ZNF670: variants seen among roughly 807,000 people sequenced by gnomAD.
ZNF670 encodes the protein zinc finger protein 670.
Under a neutral mutation model 10.9 loss-of-function variants are expected in ZNF670, and 7 were observed. The observed-to-expected ratio is 0.64, with a 90% confidence interval of 0.36 to 1.20. The LOEUF (loss-of-function observed/expected upper bound fraction) is 1.20. Among genes scored for constraint, ZNF670 ranks in the 50% most tolerant of loss-of-function variants. ZNF670 has a pLI of 0.02. For missense variants in ZNF670, 446 were observed against 458.6 expected, an observed-to-expected ratio of 0.97 and a Z score of 0.25; for synonymous variants, 136 against 152.7, an observed-to-expected ratio of 0.89 and a Z score of 0.81.
chr1:247,059,679 A>C (rs1670813435), intron 1 of ZNF670, among the ~76,000 whole-genome samples: 1 of 152,158 alleles, frequency 6.6e-6, no homozygotes, highest in South Asian at 2.1e-4. Context: ...AGATGAAGCC[A>C]CTGAAATTGA....
At chr1:247,040,680 T>A (rs1670281779) in intron 1 of ZNF670, among the ~76,000 whole-genome samples, 1 of 152,078 alleles carries the variant, frequency 6.6e-6, no homozygotes, top group South Asian at 2.1e-4. Flanking sequence ...AATTTATTTT[T>A]ATTTTATTTT....
At chr1:247,049,371 GT>G (rs200804482) in intron 1 of ZNF670, among the ~76,000 whole-genome samples, 1,654 of 151,994 alleles carry the variant, frequency 0.011, 32 homozygotes, top group African/African-American at 0.037. Context: ...TGGCCCTCCT[GT>G]TTCATTTCTA....
At chr1:247,061,863 G>C (rs1370806206) in intron 1 of ZNF670, among the ~76,000 whole-genome samples, 1 of 152,142 alleles carries the variant, frequency 6.6e-6, no homozygotes, top group East Asian at 1.9e-4. Flanking sequence ...CCAATATTAG[G>C]AGGTGGCATT....
chr1:247,041,189 T>A (rs948716948), intron 1 of ZNF670, among the ~76,000 whole-genome samples: 1 of 152,130 alleles, frequency 6.6e-6, no homozygotes, highest in African/African-American at 2.4e-5. Context: ...ACGTTCAGAC[T>A]TCGAAGGAAA....
At chr1:247,052,159 G>T (rs146742374) in intron 1 of ZNF670, among the ~76,000 whole-genome samples, 1 of 152,218 alleles carries the variant, frequency 6.6e-6, no homozygotes, top group African/African-American at 2.4e-5. Context: ...GGGTGTTAAA[G>T]AACTTTATTT....
Position 247,075,912 on chromosome 1 carries a change from G to T in ZNF670, c.3+2682C>A, listed in dbSNP as rs558547253. Among the ~76,000 whole-genome samples, 33 of 152,086 alleles carry T rather than the reference G, an allele frequency of 2.2e-4. 2 individuals carry two copies. The highest frequency in any genetic ancestry group is 6.8e-3 in the Middle Eastern group (2 of 294). ...CTACACTCACTCTTGGGAAGAAAAA[G>T]GTTAACAAGAATTTTTAACAAATGG... On this transcript the variant is annotated intron_variant, in intron 1 of 3. Coordinates refer to ENST00000366503, the MANE Select transcript of ZNF670 (RefSeq NM_033213.5).
At position 247,036,456 on chromosome 1, in the gene ZNF670, C is replaced by G. The variant is rs12751386; in HGVS notation, c.*993G>C. 0.15 allele frequency among the ~76,000 whole-genome samples: 22,804 copies of G among 152,056 alleles called. 1,911 individuals are homozygous for G. Among genetic ancestry groups the G allele is most frequent in the South Asian group, 0.25 (1,186 of 4,802 alleles). ...TAGCTTGAGGCCAGGAATTCAATAC[C>G]AGCCTAGACAATACAGCGAGATCCC... On this transcript the variant is annotated 3_prime_UTR_variant, in exon 4 of 4. Coordinates refer to ENST00000366503, the MANE Select transcript of ZNF670 (RefSeq NM_033213.5).
At chr1:247,042,808 C>T in intron 1 of ZNF670, 1 of 511,802 alleles carries the variant, frequency 2.0e-6, no homozygotes, top group Non-Finnish European at 3.6e-6. Flanking sequence ...TGTCTGACCC[C>T]ACCACGCTGT....
chr1:247,071,466 T>C (rs1671112433), intron 1 of ZNF670, among the ~76,000 whole-genome samples: 1 of 152,208 alleles, frequency 6.6e-6, no homozygotes, highest in Admixed American at 6.5e-5. Context: ...TGGTCATACT[T>C]GAAGATGAAT....
chr1:247,078,579 G>A lies in ZNF670; in HGVS notation c.3+15C>T, dbSNP rs993287027. The A allele has an allele frequency of 1.6e-5, 26 of 1,613,720 alleles. No individual in the cohort carries two copies. Among genetic ancestry groups the A allele is most frequent in the African/African-American group, 2.7e-5 (2 of 74,890 alleles). On this transcript the variant is annotated intron_variant, in intron 1 of 3. Transcript: ENST00000366503. ...CCCTTTTCCCCTTCCCGAGACACCT[G>A]GCCGGCACACTCACCATTTCCCAGT...
rs1313809933 is a variant in ZNF670 at position 247,039,405 on chromosome 1, T to C, written c.130+6A>G. ...CAACTACGTGAATAAGTGTTGTTAT[T>C]CTTACCTACAGAAGCCAGGTTCCTG... On this transcript the variant is annotated splice_donor_region_variant and intron_variant, in intron 2 of 3. Coordinates refer to ENST00000366503, the MANE Select transcript of ZNF670 (RefSeq NM_033213.5). The C allele has an allele frequency of 6.2e-7, 1 of 1,602,574 alleles. No individual in the cohort carries two copies.
chr1:247,078,694 A>G lies in ZNF670; in HGVS notation c.-98T>C, dbSNP rs1019222931. 86 of 1,363,908 alleles carry G rather than the reference A, an allele frequency of 6.3e-5. No individual in the cohort carries two copies. The highest frequency in any genetic ancestry group is 8.6e-5 in the Non-Finnish European group (83 of 966,508). The allele number at this position is 1,363,908 out of a possible 1,614,324, so 84.5% of individuals were successfully genotyped here. A position where few individuals can be genotyped will look rare whatever the true frequency, so the allele number is the denominator to read the frequency against. On this transcript the variant is annotated 5_prime_UTR_variant, in exon 1 of 4. Coordinates refer to ENST00000366503, the MANE Select transcript of ZNF670 (RefSeq NM_033213.5). ...TGCCGCGGGACCACTTGGACCTCCC[A>G]GGGATAAGGGGAAGGAGCAGCGGAG...
At chr1:247,049,755 C>T (rs1670548367) in intron 1 of ZNF670, among the ~76,000 whole-genome samples, 1 of 152,208 alleles carries the variant, frequency 6.6e-6, no homozygotes, top group South Asian at 2.1e-4. Context: ...GTTTAAACTT[C>T]TATCTTGATT....
chr1:247,057,343 G>T (rs773261877), intron 1 of ZNF670, among the ~76,000 whole-genome samples: 2 of 152,130 alleles, frequency 1.3e-5, no homozygotes, highest in Non-Finnish European at 2.9e-5. Context: ...GGCAACAATT[G>T]CTGGAGAGGA....
At position 247,059,479 on chromosome 1, in the gene ZNF670, A is replaced by T. The variant is rs180909844; in HGVS notation, c.3+19115T>A. On this transcript the variant is annotated intron_variant, in intron 1 of 3. Coordinates refer to ENST00000366503, the MANE Select transcript of ZNF670 (RefSeq NM_033213.5). ...ATAGTAATAAAATAAATGAGTAAATAAATAAACAAAAATAAAAAATAAAAT... is the reference window on the plus strand; with the variant it reads ...ATAGTAATAAAATAAATGAGTAAATTAATAAACAAAAATAAAAAATAAAAT... Among the ~76,000 whole-genome samples, 240 of 152,100 alleles carry T rather than the reference A, an allele frequency of 1.6e-3. 1 individual carries two copies. The highest frequency in any genetic ancestry group is 3.0e-3 in the Non-Finnish European group (205 of 67,982).
Position 247,037,515 on chromosome 1 carries a change from C to T in ZNF670, c.1104G>A (p.Lys368=). 3 of 1,614,046 alleles carry T rather than the reference C, an allele frequency of 1.9e-6. No homozygotes were observed. The highest frequency in any genetic ancestry group is 2.5e-6 in the Non-Finnish European group (3 of 1,179,964). The change falls in exon 4 of 4, where the codon AAG becomes AAA. Residue 368 remains lysine, a synonymous_variant. Coordinates refer to ENST00000366503, the MANE Select transcript of ZNF670 (RefSeq NM_033213.5). ...THTGEKPYEC[K]KCGKAFSCSS... ...AACAACTGAAGGCTTTACCACATTT[C>T]TTACATTCATAGGGTTTTTCTCCAG...
intron 1 of ZNF670, chr1:247,043,288 G>C: frequency 1.6e-6 from 1 of 634,852 alleles, no homozygotes; most frequent in Non-Finnish European, 3.0e-6. Context: ...GGTGTACATT[G>C]TTTGGTCTGT....
At chr1:247,051,136 G>A (rs572982036) in intron 1 of ZNF670, among the ~76,000 whole-genome samples, 5 of 151,608 alleles carry the variant, frequency 3.3e-5, no homozygotes, top group East Asian at 4.0e-4. Flanking sequence ...GTGAAACCCC[G>A]TCTCTATTAA....
In ZNF670 at chr1:247,078,502, G is replaced by A. The variant is rs926155754; in HGVS notation, c.3+92C>T. ...GGCCGCGAGGCGCCGGCGGAAACTC[G>A]GGTCGGCACCGCGGGGAGGTCCGGG... On this transcript the variant is annotated intron_variant, in intron 1 of 3. Transcript: ENST00000366503. The A allele has an allele frequency of 2.0e-6, 3 of 1,532,008 alleles. No homozygotes were observed. The Admixed American group carries it at 5.6e-5, about 29-fold the overall frequency. 94.9% of individuals were successfully genotyped at this position (1,532,008 alleles called of 1,614,324 possible). A position where few individuals can be genotyped will look rare whatever the true frequency, so the allele number is the denominator to read the frequency against.
Sources: gnomAD v4.1 joint callset for allele counts (sites outside exome capture counted in the v4.1 genomes callset) on GRCh38, gnomAD v4.1.1 for gene constraint, MANE v1.5 for transcripts, NCBI Gene and HGNC (gene_info 2026-07-23, HGNC 2026-07-21) for gene names.